Variants in DNAH1 observed in about 807,000 individuals in gnomAD.
DNAH1 encodes dynein axonemal heavy chain 1.
DNAH1 carries 327 observed loss-of-function variants against 484.3 expected under a neutral mutation model. The ratio of observed to expected loss-of-function variants is 0.68; its 90% confidence interval spans 0.62 to 0.74. The LOEUF (loss-of-function observed/expected upper bound fraction) is 0.74, where lower values mean the gene tolerates loss of function less well. Ranked by LOEUF, DNAH1 falls within the 30% of genes least tolerant of loss-of-function variation. DNAH1 has a pLI of 0.00. For synonymous variants in DNAH1, 2,192 were observed against 2,191.9 expected (o/e 1.00, Z 0.00); for missense variants, 5,052 against 5,546.8 (o/e 0.91, Z 2.83).
chr3:52,396,007 C>T (rs1372240381), intron 70 of DNAH1, among the ~76,000 whole-genome samples: 5 of 150,514 alleles, frequency 3.3e-5, no homozygotes, highest in African/African-American at 4.9e-5. Context: ...GGTGCAATCT[C>T]GGTTCACTGC....
In DNAH1 at chr3:52,395,713, C is replaced by G; in HGVS notation, c.11259+35C>G. On this transcript the variant is annotated intron_variant, in intron 70 of 77. Coordinates refer to ENST00000420323, the MANE Select transcript of DNAH1 (RefSeq NM_015512.5). This position sits in a 1 kb window ranked among gnomAD's most constrained non-coding sequence, Gnocchi z 4.4. The stretch of plus-strand genomic sequence containing the variant: ...CCTGCCCATCACAGACCCAGTGGGG[C>G]CGCCTCTGCATCCATCAGGGACTAA... 6.2e-7 allele frequency: 1 copy of G among 1,601,522 alleles called. No individual in the cohort carries two copies. Among genetic ancestry groups the G allele is most frequent in the East Asian group, 2.3e-5 (1 of 44,240 alleles).
chr3:52,368,723 T>A lies in DNAH1; in HGVS notation c.5766-18T>A. 2.5e-6 allele frequency: 4 copies of A among 1,605,998 alleles called. No homozygotes were observed. The highest frequency in any genetic ancestry group is 2.6e-6 in the Non-Finnish European group (3 of 1,174,426). ...CGCCTCCCTGATGTTTCCAGCCCTC[T>A]CCTCCCTGGCGCTGCAGGACAGACG... On this transcript the variant is annotated intron_variant, in intron 36 of 77. Transcript: ENST00000420323. The surrounding 1 kb of genome is among the most constrained non-coding windows in gnomAD (Gnocchi z 4.4).
At chr3:52,331,698 C>T (rs1001669224) in intron 7 of DNAH1, among the ~76,000 whole-genome samples, 11 of 145,362 alleles carry the variant, frequency 7.6e-5, no homozygotes, top group Non-Finnish European at 1.5e-4. Context: ...AATCTTGGCT[C>T]ATTGTAACCT....
intron 50 of DNAH1, 117 bp downstream of exon 50, chr3:52,382,572 C>T (rs1430485681): frequency 6.7e-6 from 10 of 1,481,484 alleles, no homozygotes; most frequent in Non-Finnish European, 9.0e-6. Context: ...GGGCAGATCT[C>T]AGAAGAGACC....
In DNAH1 at chr3:52,394,452, T is replaced by C. The variant is rs763274295; in HGVS notation, c.10627-13T>C. ...CAGGGCCTGGGCATCAGCCTCCTCC[T>C]GTCCCCTGCCAGAGTGAGTGGCGAT... is the stretch of plus-strand genomic sequence containing the variant. On this transcript the variant is annotated splice_polypyrimidine_tract_variant and intron_variant, in intron 66 of 77. Transcript: ENST00000420323. The C allele has an allele frequency of 2.7e-5, 44 of 1,613,598 alleles. No homozygotes were observed. Among genetic ancestry groups the C allele is most frequent in the Non-Finnish European group, 3.5e-5 (41 of 1,179,762 alleles).
At chr3:52,313,755 G>A (rs1020339351), upstream of DNAH1, among the ~76,000 whole-genome samples, 2 of 152,098 alleles carry the variant, frequency 1.3e-5, no homozygotes, top group African/African-American at 4.8e-5. Flanking sequence ...GCTCCTGGAG[G>A]TCTGGCAAGG....
chr3:52,354,040 A>C (rs1357975390), intron 20 of DNAH1, among the ~76,000 whole-genome samples: 1 of 152,068 alleles, frequency 6.6e-6, no homozygotes, highest in Non-Finnish European at 1.5e-5. Context: ...CAAAAAATTA[A>C]GATATTAGCC....
In DNAH1 at chr3:52,340,440, A is replaced by ATT. The variant is rs1559502594; in HGVS notation, c.1287-4049_1287-4048insTT. Among the ~76,000 whole-genome samples, 12 of 147,562 alleles carry ATT rather than the reference A, an allele frequency of 8.1e-5. No homozygotes were observed. The East Asian group carries it at 2.0e-3, about 25-fold the overall frequency. ...TATTTATTTATTTATTTATTTATTT[A>ATT]TATTTATTTTTTGAGATGAAGTCTT... is the stretch of plus-strand genomic sequence containing the variant. On this transcript the variant is annotated intron_variant, in intron 8 of 77. Transcript: ENST00000420323.
chr3:52,352,695 G>A lies in DNAH1; in HGVS notation c.3015G>A (p.Leu1005=). ...LYNNRERIFS[L]PITNYDKLSR... is the part of the protein sequence containing the mutation. ...ACAACCGCGAGCGCATCTTCAGCTT[G>A]CCCATCACCAATGTAGGCCTCCTGC... Residue 1005 remains leucine, a synonymous_variant, in exon 18 of 78, where the codon TTG becomes TTA. Coordinates refer to ENST00000420323, the MANE Select transcript of DNAH1 (RefSeq NM_015512.5). 6.2e-7 allele frequency: 1 copy of A among 1,611,718 alleles called. No individual in the cohort carries two copies. The highest frequency in any genetic ancestry group is 8.5e-7 in the Non-Finnish European group (1 of 1,178,636).
chr3:52,386,057 G>C lies in DNAH1; in HGVS notation c.8626-103G>C. ...CCTCTCTGGCCTGTCACAGCTGGAG[G>C]GCCCTTGGAGAACAGGGCACCCCAA... is the stretch of plus-strand genomic sequence containing the variant. On this transcript the variant is annotated intron_variant, in intron 54 of 77. Coordinates refer to ENST00000420323, the MANE Select transcript of DNAH1 (RefSeq NM_015512.5). 3.1e-6 allele frequency: 4 copies of C among 1,305,348 alleles called. No individual in the cohort carries two copies. The South Asian group carries it at 4.6e-5, about 15-fold the overall frequency. The allele number at this position is 1,305,348 out of a possible 1,614,324, so 80.9% of individuals were successfully genotyped here. A position where few individuals can be genotyped will look rare whatever the true frequency, so the allele number is the denominator to read the frequency against.
intron 36 of DNAH1, among the ~76,000 whole-genome samples, chr3:52,367,931 C>T (rs1235442543): frequency 6.6e-6 from 1 of 152,230 alleles, no homozygotes; most frequent in Non-Finnish European, 1.5e-5. Flanking sequence ...ATGGCAGGCA[C>T]AGGGACCACT....
In DNAH1 at chr3:52,360,316, A is replaced by G. The variant is rs2153224324; in HGVS notation, c.4577A>G (p.Tyr1526Cys). ...DFQWISQLRY[Y>C]WTNNDLYIRA... Reference sequence around the variant, plus strand: ...TCATCTCCCTGCACCGCCAGGTACTACTGGACAAATAATGACCTGTATATC... The same window carrying G: ...TCATCTCCCTGCACCGCCAGGTACTGCTGGACAAATAATGACCTGTATATC... The change falls in exon 28 of 78, where the codon TAC (tyrosine) becomes TGC (cysteine). Residue 1526 changes from tyrosine to cysteine, a missense_variant. By Grantham distance (194) the Tyr-to-Cys change is radical (BLOSUM62 -2). Around this residue, in one of 4 missense-constraint regions of DNAH1, gnomAD observed 2,929 missense variants for 3,409.4 expected, o/e 0.86. Transcript: ENST00000420323. 9 of 1,613,388 alleles carry G rather than the reference A, an allele frequency of 5.6e-6. No individual in the cohort carries two copies. Among genetic ancestry groups the G allele is most frequent in the Non-Finnish European group, 7.6e-6 (9 of 1,179,430 alleles).
Position 52,349,869 on chromosome 3 carries a change from A to T in DNAH1, c.2527-120A>T, listed in dbSNP as rs1702299013. 7.9e-6 allele frequency: 11 copies of T among 1,398,534 alleles called. No homozygotes were observed. The South Asian group carries it at 1.5e-4, about 19-fold the overall frequency. The allele number at this position is 1,398,534 out of a possible 1,614,324, so 86.6% of individuals were successfully genotyped here. On this transcript the variant is annotated intron_variant, in intron 14 of 77. Transcript: ENST00000420323. ...CACCCCTCTTGGAAAGCGCCGCAGGATGTTGTGGTGGAGGGGACAGTTACC... is the reference window on the plus strand; with the variant it reads ...CACCCCTCTTGGAAAGCGCCGCAGGTTGTTGTGGTGGAGGGGACAGTTACC...
Position 52,388,423 on chromosome 3 carries a change from C to A in DNAH1, c.9177C>A (p.Ala3059=). The A allele has an allele frequency of 6.2e-7, 1 of 1,611,316 alleles. No individual in the cohort carries two copies. Among genetic ancestry groups the A allele is most frequent in the Non-Finnish European group, 8.5e-7 (1 of 1,178,652 alleles). ...VAKAVEPKRQ[A]LLEAQDDLGV... ...CTGCGCCCTCCGCCCCACAGCAAGC[C>A]CTGCTGGAGGCCCAGGATGACCTGG... Residue 3059 remains alanine, a synonymous_variant, in exon 58 of 78, where the codon GCC becomes GCA. Transcript: ENST00000420323.
rs1704465724 is a variant in DNAH1, at chr3:52,393,032, C to T, written c.10474+7C>T. ...GCCAACTCAGAGAGAGCAGGTAGCA[C>T]CGGCATGCCAGGCTCCTACCCTGCA... On this transcript the variant is annotated splice_region_variant and intron_variant, in intron 65 of 77. Coordinates refer to ENST00000420323, the MANE Select transcript of DNAH1 (RefSeq NM_015512.5). 2 of 1,612,118 alleles carry T rather than the reference C, an allele frequency of 1.2e-6. No individual in the cohort carries two copies. The highest frequency in any genetic ancestry group is 1.7e-6 in the Non-Finnish European group (2 of 1,178,646).
At chr3:52,326,452 C>T (rs1402517004) in intron 4 of DNAH1, 138 bp downstream of exon 4, 4 of 1,160,848 alleles carry the variant, frequency 3.4e-6, no homozygotes, top group African/African-American at 1.5e-5. Context: ...ATCTTCTAGC[C>T]CTTTGGTGTC....
intron 44 of DNAH1, chr3:52,374,222 G>A: frequency 7.2e-7 from 1 of 1,388,978 alleles, no homozygotes; most frequent in East Asian, 2.3e-5. Flanking sequence ...TAATGGCATA[G>A]CAGAGTTACT....
chr3:52,366,580 C>T (rs749385783), intron 35 of DNAH1, 32 bp downstream of exon 35: 10 of 1,570,900 alleles, frequency 6.4e-6, no homozygotes, highest in Admixed American at 5.6e-5. Flanking sequence ...AGCCAGTGTC[C>T]GGATAGTGGG....
rs1207383695 is a variant in DNAH1, at chr3:52,397,729, G to A, written c.11810G>A (p.Ser3937Asn). Residue 3937 changes from serine (S) to asparagine (N), a missense_variant, in exon 74 of 78, where the codon AGC becomes AAC. Ser to Asn is a conservative substitution (Grantham distance 46). Coordinates refer to ENST00000420323, the MANE Select transcript of DNAH1 (RefSeq NM_015512.5). ...TAGGGCTACCTCTCCTACATCAAGA[G>A]CCTCCCACTCAATGATATGCCTGAG... Reference protein sequence around the residue: ...DLHGYLSYIKSLPLNDMPEIF... With the variant: ...DLHGYLSYIKNLPLNDMPEIF... 1.9e-6 allele frequency: 3 copies of A among 1,611,822 alleles called. No homozygotes were observed. Among genetic ancestry groups the A allele is most frequent in the Non-Finnish European group, 2.5e-6 (3 of 1,178,718 alleles).
Sources: gnomAD v4.1 joint callset for allele counts (sites outside exome capture counted in the v4.1 genomes callset) on GRCh38, gnomAD v4.1.1 for gene constraint, gnomAD v4.1.1 regional missense constraint, Gnocchi (gnomAD v3.1) non-coding constraint, MANE v1.5 for transcripts, NCBI Gene and HGNC (gene_info 2026-07-23, HGNC 2026-07-21) for gene names.